The following HCN1 variants were observed in gnomAD, a reference collection of about 807,000 sequenced individuals.
HCN1 encodes potassium/sodium hyperpolarization-activated cyclic nucleotide-gated channel 1.
A neutral mutation model predicts 78.9 loss-of-function variants in HCN1; 13 were observed. The observed-to-expected ratio is 0.16, with a 90% CI of 0.11 to 0.26. HCN1 has a LOEUF of 0.26. Among genes scored for constraint, HCN1 ranks in the 10% least tolerant of loss-of-function variants. HCN1 has a pLI of 1.00. For synonymous variants in HCN1, 552 were observed against 455.5 expected, an observed-to-expected ratio of 1.21 and a Z score of -2.70; for missense variants, 810 against 1,154.3, an observed-to-expected ratio of 0.70 and a Z score of 4.32.
intron 1 of HCN1, among the ~76,000 whole-genome samples, chr5:45,690,950 T>C (rs987434164): frequency 6.6e-6 from 1 of 152,082 alleles, no homozygotes; most frequent in African/African-American, 2.4e-5. Context: ...ACAAGAATTA[T>C]ATTCAGAATG....
intron 2 of HCN1, among the ~76,000 whole-genome samples, chr5:45,536,675 T>C (rs1742974420): frequency 6.6e-6 from 1 of 152,200 alleles, no homozygotes; most frequent in Non-Finnish European, 1.5e-5. Context: ...TCACATTCTA[T>C]CCAACTGCTT....
At chr5:45,630,064 T>G (rs1439645036) in intron 2 of HCN1, among the ~76,000 whole-genome samples, 1 of 151,658 alleles carries the variant, frequency 6.6e-6, no homozygotes, top group African/African-American at 2.4e-5. Context: ...CCTAAAAGAG[T>G]GTCTATCAGC....
At chr5:45,504,548 C>T (rs1220109389) in intron 2 of HCN1, among the ~76,000 whole-genome samples, 5 of 152,118 alleles carry the variant, frequency 3.3e-5, no homozygotes, top group Admixed American at 1.3e-4. Flanking sequence ...TGAATAGTGC[C>T]GCAATAAACA....
intron 2 of HCN1, among the ~76,000 whole-genome samples, chr5:45,496,381 A>C (rs1008651293): frequency 6.6e-6 from 1 of 151,592 alleles, no homozygotes; most frequent in Non-Finnish European, 1.5e-5. Flanking sequence ...TTTCTAGTTT[A>C]TTTGCGTAGA....
intron 2 of HCN1, among the ~76,000 whole-genome samples, chr5:45,477,010 T>C (rs1741532702): frequency 6.6e-6 from 1 of 152,142 alleles, no homozygotes; most frequent in African/African-American, 2.4e-5. Flanking sequence ...CCAAGATACA[T>C]TTATATCACC....
At chr5:45,468,865 A>AT (rs1741332955) in intron 2 of HCN1, among the ~76,000 whole-genome samples, 1 of 152,024 alleles carries the variant, frequency 6.6e-6, no homozygotes, top group Non-Finnish European at 1.5e-5. Context: ...TGCTCAACAA[A>AT]TGTTTTTCCT....
chr5:45,441,783 C>T (rs918554453), intron 3 of HCN1, among the ~76,000 whole-genome samples: 3 of 152,100 alleles, frequency 2.0e-5, no homozygotes, highest in Non-Finnish European at 4.4e-5. Flanking sequence ...AAAGCTCTAG[C>T]TCTTGATTTA....
At chr5:45,347,837 C>A (rs765712683) in intron 5 of HCN1, among the ~76,000 whole-genome samples, 6 of 152,132 alleles carry the variant, frequency 3.9e-5, no homozygotes, top group Non-Finnish European at 8.8e-5. Flanking sequence ...AGGAAACAAA[C>A]AAAGCCTCCA....
intron 3 of HCN1, among the ~76,000 whole-genome samples, chr5:45,439,893 T>C (rs939789216): frequency 3.3e-5 from 5 of 150,452 alleles, no homozygotes; most frequent in Non-Finnish European, 5.9e-5. Context: ...TAAAATATTA[T>C]ATAGAATAGT....
At chr5:45,660,817 A>G (rs1309089809) in intron 1 of HCN1, among the ~76,000 whole-genome samples, 2 of 135,130 alleles carry the variant, frequency 1.5e-5, no homozygotes, top group Non-Finnish European at 3.1e-5. Flanking sequence ...GTCCTGAGTG[A>G]CATACAAAGA....
intron 5 of HCN1, among the ~76,000 whole-genome samples, chr5:45,324,369 G>A (rs189772263): frequency 2.0e-5 from 3 of 152,024 alleles, no homozygotes; most frequent in Non-Finnish European, 2.9e-5. Flanking sequence ...CTCAAAAGAA[G>A]ACATTTATGC....
chr5:45,366,164 T>TTGTG (rs10642474), intron 4 of HCN1, among the ~76,000 whole-genome samples: 2,031 of 146,978 alleles, frequency 0.014, 18 homozygotes, highest in African/African-American at 0.016. Context: ...ATTATAGCAT[T>TTGTG]TGTGTGTGTG....
At chr5:45,287,005 A>G (rs1745282325) in intron 6 of HCN1, among the ~76,000 whole-genome samples, 1 of 152,048 alleles carries the variant, frequency 6.6e-6, no homozygotes, top group Admixed American at 6.6e-5. Context: ...TAGATAGGTC[A>G]GAACAGTCAT....
intron 2 of HCN1, among the ~76,000 whole-genome samples, chr5:45,572,664 T>C (rs902781485): frequency 6.6e-6 from 1 of 152,136 alleles, no homozygotes; most frequent in African/African-American, 2.4e-5. Flanking sequence ...GGTCTTACCA[T>C]ACATAAAAGA....
intron 2 of HCN1, among the ~76,000 whole-genome samples, chr5:45,470,325 A>T (rs1741365718): frequency 6.6e-6 from 1 of 152,014 alleles, no homozygotes; most frequent in Non-Finnish European, 1.5e-5. Flanking sequence ...ATTGCACTAC[A>T]ATTCTTTGTG....
At chr5:45,289,519 T>A (rs1745331593) in intron 6 of HCN1, among the ~76,000 whole-genome samples, 2 of 152,116 alleles carry the variant, frequency 1.3e-5, no homozygotes, top group Middle Eastern at 3.4e-3. Context: ...CACAACTTTA[T>A]CCAAGGAACT....
chr5:45,375,066 A>G (rs1236964167), intron 4 of HCN1, among the ~76,000 whole-genome samples: 2 of 126,152 alleles, frequency 1.6e-5, no homozygotes, highest in Admixed American at 1.0e-4. Context: ...ATATATATAT[A>G]TAATATATTA....
chr5:45,512,877 G>A (rs1217573604), intron 2 of HCN1, among the ~76,000 whole-genome samples: 2 of 152,078 alleles, frequency 1.3e-5, no homozygotes, highest in African/African-American at 4.8e-5. Context: ...AGGCAAATAT[G>A]AGGTTTTTAG....
intron 1 of HCN1, among the ~76,000 whole-genome samples, chr5:45,677,031 T>C (rs1410878256): frequency 6.6e-6 from 1 of 151,876 alleles, no homozygotes; most frequent in Non-Finnish European, 1.5e-5. Flanking sequence ...TGCCAAGTAT[T>C]CAGTTCTGTC....
Sources: gnomAD v4.1 joint callset for allele counts (sites outside exome capture counted in the v4.1 genomes callset) on GRCh38, gnomAD v4.1.1 for gene constraint, MANE v1.5 for transcripts, NCBI Gene and HGNC (gene_info 2026-07-23, HGNC 2026-07-21) for gene names.